The following GRK6 variants were observed in gnomAD, a reference collection of about 807,000 sequenced individuals.
The protein encoded by GRK6 is G protein-coupled receptor kinase 6.
A neutral mutation model predicts 80.8 loss-of-function variants in GRK6; 37 were observed. The ratio of observed to expected loss-of-function variants is 0.46; its 90% CI spans 0.35 to 0.60. The LOEUF is 0.60. Among genes scored for constraint, GRK6 ranks in the 20% least tolerant of loss-of-function variants. The pLI is 0.00. For missense variants in GRK6, 560 were observed against 784.6 expected (o/e 0.71, Z 3.42); for synonymous variants, 295 against 320.9 (o/e 0.92, Z 0.86).
Position 177,432,847 on chromosome 5 carries a change from C to T in GRK6, c.440+41C>T, listed in dbSNP as rs2731664. 4.8e-5 allele frequency: 71 copies of T among 1,481,948 alleles called. 1 individual carries two copies. The highest frequency in any genetic ancestry group is 1.6e-4 in the South Asian group (14 of 85,550). The allele number at this position is 1,481,948 out of a possible 1,614,324, so 91.8% of individuals were successfully genotyped here. A position where few individuals can be genotyped will look rare whatever the true frequency, so the allele number is the denominator to read the frequency against. On this transcript the variant is annotated intron_variant, in intron 5 of 15. Transcript: ENST00000355472. ...CCCACAAGCCTGGAATTATGCCCAG[C>T]GGAGGGGGCTTCTGGGGGCCAGGAA...
At chr5:177,441,677 G>A (rs1425242354) in intron 15 of GRK6, 60 bp from the exon 16 acceptor site, 24 of 1,388,438 alleles carry the variant, frequency 1.7e-5, no homozygotes, top group East Asian at 6.8e-5. Context: ...GACGTCCCTC[G>A]TGGTTAATGG....
chr5:177,433,778 C>T lies in GRK6; in HGVS notation c.738+102C>T, dbSNP rs561412085. The T allele has an allele frequency of 9.6e-5, 148 of 1,542,662 alleles. No individual in the cohort carries two copies. The highest frequency in any genetic ancestry group is 3.5e-4 in the African/African-American group (26 of 73,702). On this transcript the variant is annotated intron_variant, in intron 8 of 15. Transcript: ENST00000355472. Reference sequence around the variant, plus strand: ...CTCCCATGTGGGATGCCAGGAAGGGCGGGTTTGGGGTGTTGACACCAGGCT... The same window carrying T: ...CTCCCATGTGGGATGCCAGGAAGGGTGGGTTTGGGGTGTTGACACCAGGCT...
At chr5:177,433,088 G>A in intron 5 of GRK6, 59 bp from the exon 6 acceptor site, 1 of 1,467,202 alleles carries the variant, frequency 6.8e-7, no homozygotes, top group East Asian at 2.3e-5. Flanking sequence ...GGCCCAGCAA[G>A]CCAAGAGCCT....
At chr5:177,434,823 G>T (rs1008742190) in intron 9 of GRK6, 79 bp from the exon 10 acceptor site, 5 of 1,535,588 alleles carry the variant, frequency 3.3e-6, no homozygotes, top group East Asian at 4.5e-5. Context: ...CCCCGGAGGC[G>T]AGTGAGCTGG....
chr5:177,439,761 T>C (rs1281702329), intron 13 of GRK6, among the ~76,000 whole-genome samples: 5 of 152,198 alleles, frequency 3.3e-5, no homozygotes, highest in Non-Finnish European at 7.3e-5. Context: ...GTCATAGCTA[T>C]GGCATCACAT....
Position 177,426,782 on chromosome 5 carries a change from C to T in GRK6, c.-64C>T. The T allele has an allele frequency of 1.0e-6, 1 of 959,294 alleles. No homozygotes were observed. Among genetic ancestry groups the T allele is most frequent in the Non-Finnish European group, 1.3e-6 (1 of 793,412 alleles). 59.4% of individuals were successfully genotyped at this position (959,294 alleles called of 1,614,324 possible). ...CGAGCCGCGCCGATCGCCATCCGGC[C>T]TCGGCACTCGCGCGCGATCCCGGCC... On this transcript the variant is annotated 5_prime_UTR_variant, in exon 1 of 16. Transcript: ENST00000355472.
chr5:177,441,356 G>A lies in GRK6; in HGVS notation c.1677+303G>A, dbSNP rs767157984. 1.3e-5 allele frequency: 18 copies of A among 1,396,806 alleles called. No homozygotes were observed. In the Admixed American group the frequency reaches 1.4e-4, roughly 11 times the overall value. 86.5% of individuals were successfully genotyped at this position (1,396,806 alleles called of 1,614,324 possible). On this transcript the variant is annotated intron_variant, in intron 15 of 15. Transcript: ENST00000355472. The stretch of plus-strand genomic sequence containing the variant: ...TGTGGGAGAAAGAAGTCTGGTGCCC[G>A]CCCCACTCCCCCTGCCCACTGCTTT...
At chr5:177,434,231 T>A in intron 9 of GRK6, 127 bp downstream of exon 9, 1 of 989,032 alleles carries the variant, frequency 1.0e-6, no homozygotes, top group Non-Finnish European at 1.4e-6. Context: ...TTGGGGGCTG[T>A]GGCACCGGCT....
chr5:177,431,784 A>G (rs1359528267), intron 2 of GRK6: 1 of 593,764 alleles, frequency 1.7e-6, no homozygotes, highest in South Asian at 2.0e-5. Context: ...GCTGTGTGAC[A>G]CTGAGCTAGT....
chr5:177,441,397 G>C, intron 15 of GRK6: 2 of 972,060 alleles, frequency 2.1e-6, no homozygotes, highest in South Asian at 3.2e-5. Context: ...CCTGCACCCT[G>C]GCCCCTTCGA....
Position 177,442,198 on chromosome 5 carries a change from G to C in GRK6, c.*408G>C. ...ACTCAAGGCTCCTCTGGCCCAGCTT[G>C]GATGGCTGAGGGTGGTCACACCCCT... On this transcript the variant is annotated 3_prime_UTR_variant, in exon 16 of 16. Coordinates refer to ENST00000355472, the MANE Select transcript of GRK6 (RefSeq NM_001004106.3). The C allele has an allele frequency of 4.2e-6, 1 of 240,852 alleles. No homozygotes were observed. Among genetic ancestry groups the C allele is most frequent in the Non-Finnish European group, 8.1e-6 (1 of 123,084 alleles). 14.9% of individuals were successfully genotyped at this position (240,852 alleles called of 1,614,324 possible).
chr5:177,436,744 G>A (rs2127377981), intron 13 of GRK6: 2 of 572,022 alleles, frequency 3.5e-6, no homozygotes, highest in Non-Finnish European at 6.1e-6. Context: ...CTCTGACAAT[G>A]TCCTAGGAAC....
intron 13 of GRK6, among the ~76,000 whole-genome samples, chr5:177,440,497 G>A (rs570682567): frequency 1.6e-4 from 24 of 152,364 alleles, no homozygotes; most frequent in Admixed American, 5.9e-4. Context: ...AATAACGTAC[G>A]CAGTTCACAG....
chr5:177,433,952 G>C lies in GRK6; in HGVS notation c.777G>C (p.Leu259=). ...ACGCCTATGAGACCAAGGACGCGCT[G>C]TGCCTGGTGCTGACACTGATGAACG... ...LAYAYETKDA[L]CLVLTLMNGG... The change falls in exon 9 of 16, where the codon CTG becomes CTC. Residue 259 remains leucine (L), a synonymous_variant. Coordinates refer to ENST00000355472, the MANE Select transcript of GRK6 (RefSeq NM_001004106.3). The C allele has an allele frequency of 6.2e-7, 1 of 1,606,826 alleles. No individual in the cohort carries two copies. Among genetic ancestry groups the C allele is most frequent in the Non-Finnish European group, 8.5e-7 (1 of 1,175,784 alleles).
intron 13 of GRK6, 177 bp downstream of exon 13, chr5:177,436,707 G>A: frequency 1.6e-6 from 1 of 644,012 alleles, no homozygotes; most frequent in Admixed American, 3.3e-5. Context: ...GGTCTGGCTT[G>A]TGGCATGCCT....
chr5:177,430,997 G>C (rs1226001559), intron 2 of GRK6, 30 bp downstream of exon 2: 12 of 1,588,552 alleles, frequency 7.6e-6, no homozygotes, highest in Non-Finnish European at 1.0e-5. Flanking sequence ...TGGGGGTGCT[G>C]AGGCGAGGGG....
rs755278449 is a variant in GRK6 at position 177,441,800 on chromosome 5, C to T, written c.*10C>T. The T allele has an allele frequency of 4.5e-5, 73 of 1,610,398 alleles. No homozygotes were observed. Among genetic ancestry groups the T allele is most frequent in the African/African-American group, 6.7e-5 (5 of 74,892 alleles). ...CCCCACCCGCCTCTAGCCCCCAGCC[C>T]GAGGCCCCCACCAGCAGTTGGCGGT... is the stretch of plus-strand genomic sequence containing the variant. On this transcript the variant is annotated 3_prime_UTR_variant, in exon 16 of 16. Coordinates refer to ENST00000355472, the MANE Select transcript of GRK6 (RefSeq NM_001004106.3).
rs762149337 is a variant in GRK6, at chr5:177,433,600, G to A, written c.662G>A (p.Arg221Gln). Reference protein sequence around the residue: ...MYACKKLEKKRIKKRKGEAMA... With the variant: ...MYACKKLEKKQIKKRKGEAMA... ...GCCTGCAAGAAGCTAGAGAAAAAGC[G>A]GATCAAGAAGCGGAAAGGGGAGGCC... Residue 221 changes from arginine to glutamine, a missense_variant, in exon 8 of 16, where the codon CGG (arginine) becomes CAG (glutamine). Around this residue, in one of 3 missense-constraint regions of GRK6, gnomAD observed 77 missense variants for 156.9 expected, o/e 0.49. Transcript: ENST00000355472. The A allele has an allele frequency of 1.2e-6, 2 of 1,614,168 alleles. No individual in the cohort carries two copies. Among genetic ancestry groups the A allele is most frequent in the Non-Finnish European group, 8.5e-7 (1 of 1,180,034 alleles).
chr5:177,441,747 G>A lies in GRK6; in HGVS notation c.1688G>A (p.Gly563Glu), dbSNP rs1764518315. The change falls in exon 16 of 16, where the codon GGA (glycine) becomes GAA (glutamate). Residue 563 changes from glycine (G) to glutamate (E), a missense_variant. Physicochemically the swap from Gly to Glu is moderately conservative, Grantham distance 98. Transcript: ENST00000355472. ...TCCCCGTCCCTCCAGGATTGCTGTG[G>A]AAACTGCAGCGACAGCGAGGAAGAG... ...QRLFSRQDCC[G>E]NCSDSEEELP... is the part of the protein sequence containing the mutation. The A allele has an allele frequency of 6.2e-7, 1 of 1,612,508 alleles. No individual in the cohort carries two copies. The highest frequency in any genetic ancestry group is 1.7e-5 in the Admixed American group (1 of 59,986).
Sources: allele counts gnomAD v4.1 joint callset (sites outside exome capture counted in the v4.1 genomes callset), GRCh38; gene constraint gnomAD v4.1.1; regional missense constraint gnomAD v4.1.1; transcripts MANE v1.5; gene names NCBI Gene and HGNC (gene_info 2026-07-23, HGNC 2026-07-21).